Variants in CNTNAP2 observed in about 807,000 individuals in gnomAD.
CNTNAP2 encodes contactin-associated protein-like 2.
A neutral mutation model predicts 155.2 loss-of-function variants in CNTNAP2; 98 were observed. The observed-to-expected ratio is 0.63, with a 90% CI of 0.54 to 0.75. The LOEUF (loss-of-function observed/expected upper bound fraction) is 0.75. Ranked by LOEUF, CNTNAP2 falls within the 30% of genes least tolerant of loss-of-function variation. CNTNAP2 has a pLI of 0.00. For missense variants in CNTNAP2, 1,727 were observed against 1,688.1 expected (o/e 1.02, Z -0.40); for synonymous variants, 651 against 631.2 (o/e 1.03, Z -0.47).
chr7:146,320,482 T>A (rs1800982111), intron 1 of CNTNAP2, among the ~76,000 whole-genome samples: 1 of 152,208 alleles, frequency 6.6e-6, no homozygotes, highest in South Asian at 2.1e-4. Flanking sequence ...GACTAAATAG[T>A]ACCTCTTGAA....
At chr7:146,848,619 A>G (rs1377719064) in intron 3 of CNTNAP2, among the ~76,000 whole-genome samples, 1 of 152,122 alleles carries the variant, frequency 6.6e-6, no homozygotes, top group Non-Finnish European at 1.5e-5. Flanking sequence ...ACTATTGGCT[A>G]AATAGGTAAG....
chr7:146,770,356 A>G (rs1418457201), intron 1 of CNTNAP2, among the ~76,000 whole-genome samples: 3 of 151,926 alleles, frequency 2.0e-5, no homozygotes, highest in African/African-American at 4.8e-5. Flanking sequence ...ACACATATAC[A>G]TATAATCTGC....
intron 13 of CNTNAP2, among the ~76,000 whole-genome samples, chr7:147,720,663 A>G (rs1166518561): frequency 6.6e-6 from 1 of 151,974 alleles, no homozygotes; most frequent in Non-Finnish European, 1.5e-5. Context: ...AGGAGATCCG[A>G]TGGTTTTATA....
chr7:148,169,502 G>T (rs1445314348), intron 17 of CNTNAP2, among the ~76,000 whole-genome samples: 1 of 152,052 alleles, frequency 6.6e-6, no homozygotes, highest in African/African-American at 2.4e-5. Flanking sequence ...GTGTGCAAAG[G>T]TTTTCATAAA....
chr7:148,371,473 A>C (rs1798885915), intron 21 of CNTNAP2, among the ~76,000 whole-genome samples: 1 of 152,148 alleles, frequency 6.6e-6, no homozygotes, highest in Admixed American at 6.5e-5. Flanking sequence ...ATCCCTTTTT[A>C]CTAAATGCCA....
At chr7:147,841,304 G>A (rs957312533) in intron 13 of CNTNAP2, among the ~76,000 whole-genome samples, 2 of 152,064 alleles carry the variant, frequency 1.3e-5, no homozygotes, top group South Asian at 2.1e-4. Flanking sequence ...AGAGGTAATC[G>A]CCAACAAACA....
chr7:148,060,197 C>T (rs1006552653), intron 15 of CNTNAP2, among the ~76,000 whole-genome samples: 24 of 152,084 alleles, frequency 1.6e-4, no homozygotes, highest in Admixed American at 1.4e-3. Flanking sequence ...TTAAAGTCAT[C>T]TAAATAAGCT....
At chr7:147,821,897 A>G (rs189396043) in intron 13 of CNTNAP2, among the ~76,000 whole-genome samples, 2 of 152,310 alleles carry the variant, frequency 1.3e-5, no homozygotes, top group Admixed American at 6.5e-5. Context: ...TGATCTGATC[A>G]AGATTAAAAA....
chr7:146,502,769 A>C (rs1584954113), intron 1 of CNTNAP2, among the ~76,000 whole-genome samples: 1 of 152,172 alleles, frequency 6.6e-6, no homozygotes, highest in Non-Finnish European at 1.5e-5. Context: ...GCGTGCACCA[A>C]CATGCTGGCT....
At chr7:146,614,806 G>T (rs1042978506) in intron 1 of CNTNAP2, among the ~76,000 whole-genome samples, 1 of 152,262 alleles carries the variant, frequency 6.6e-6, no homozygotes, top group East Asian at 1.9e-4. Flanking sequence ...TAGAAAAATT[G>T]AAGTTCAAGA....
intron 1 of CNTNAP2, among the ~76,000 whole-genome samples, chr7:146,481,210 C>T (rs1362525848): frequency 6.6e-6 from 1 of 152,136 alleles, no homozygotes; most frequent in Non-Finnish European, 1.5e-5. Flanking sequence ...TCCTAATTTT[C>T]ATTTTTTAGT....
chr7:147,601,135 TA>T (rs1159977300), intron 12 of CNTNAP2, among the ~76,000 whole-genome samples: 1 of 152,126 alleles, frequency 6.6e-6, no homozygotes. Context: ...AATGTTGTTT[TA>T]TTTGTACCTC....
intron 1 of CNTNAP2, among the ~76,000 whole-genome samples, chr7:146,483,010 C>G (rs1417652848): frequency 3.3e-5 from 5 of 151,512 alleles, no homozygotes; most frequent in African/African-American, 1.2e-4. Flanking sequence ...GGTGCGGTGG[C>G]TCACGCCTGT....
chr7:147,803,127 G>A (rs1459214813), intron 13 of CNTNAP2, among the ~76,000 whole-genome samples: 7 of 152,096 alleles, frequency 4.6e-5, no homozygotes, highest in Non-Finnish European at 1.5e-5. Context: ...GAGAGAAAGG[G>A]ACCAAACCAG....
chr7:148,266,923 G>A (rs1375189528), intron 20 of CNTNAP2, 110 bp from the exon 21 acceptor site: 11 of 958,694 alleles, frequency 1.1e-5, no homozygotes, highest in South Asian at 6.5e-5. Flanking sequence ...GATGAAATAA[G>A]ATATCAGAAA....
intron 9 of CNTNAP2, among the ~76,000 whole-genome samples, chr7:147,342,790 A>G (rs1795786554): frequency 6.6e-6 from 1 of 152,186 alleles, no homozygotes; most frequent in African/African-American, 2.4e-5. Context: ...TAAAAATATT[A>G]ATAAGTGTTG....
At chr7:147,323,672 T>A (rs1584872980) in intron 9 of CNTNAP2, among the ~76,000 whole-genome samples, 1 of 152,140 alleles carries the variant, frequency 6.6e-6, no homozygotes, top group South Asian at 2.1e-4. Flanking sequence ...ATGTTGACAG[T>A]GGGGTGTGAG....
chr7:148,134,328 C>A (rs980236973), intron 16 of CNTNAP2, among the ~76,000 whole-genome samples: 10 of 152,128 alleles, frequency 6.6e-5, no homozygotes, highest in South Asian at 2.1e-4. Context: ...GTATATCTGT[C>A]AAGTGTAATT....
intron 1 of CNTNAP2, among the ~76,000 whole-genome samples, chr7:146,617,635 G>T (rs1046502495): frequency 5.9e-5 from 9 of 152,100 alleles, no homozygotes; most frequent in African/African-American, 1.9e-4. Flanking sequence ...AACCGTTTAC[G>T]TTTTTGGCCA....
Sources: gnomAD v4.1 joint callset for allele counts (sites outside exome capture counted in the v4.1 genomes callset) on GRCh38, gnomAD v4.1.1 for gene constraint, MANE v1.5 for transcripts, NCBI Gene and HGNC (gene_info 2026-07-23, HGNC 2026-07-21) for gene names.